Variants in CSNK1G1 observed in about 807,000 individuals in gnomAD.
CSNK1G1 encodes the protein casein kinase I isoform gamma-1.
Under a neutral mutation model 59.6 loss-of-function variants are expected in CSNK1G1, and 22 were observed. The ratio of observed to expected loss-of-function variants is 0.37; its 90% CI spans 0.26 to 0.53. The LOEUF is 0.53. Among genes scored for constraint, CSNK1G1 ranks in the 20% least tolerant of loss-of-function variants. CSNK1G1 has a pLI of 0.89. For synonymous variants in CSNK1G1, 179 were observed against 177.1 expected (o/e 1.01, Z -0.08); for missense variants, 384 against 519.5 (o/e 0.74, Z 2.54).
At chr15:64,186,131 G>C (rs745513839) in intron 10 of CSNK1G1, among the ~76,000 whole-genome samples, 1 of 146,496 alleles carries the variant, frequency 6.8e-6, no homozygotes, top group Non-Finnish European at 1.6e-5. Context: ...TTTTGAGATA[G>C]AGTCTTGTTG....
At chr15:64,264,765 C>G (rs1000121875) in intron 2 of CSNK1G1, among the ~76,000 whole-genome samples, 2 of 152,112 alleles carry the variant, frequency 1.3e-5, no homozygotes, top group African/African-American at 4.8e-5. Context: ...GAATGAAAGA[C>G]AAAAACCATA....
At chr15:64,209,802 T>C (rs188836593) in intron 6 of CSNK1G1, among the ~76,000 whole-genome samples, 15 of 152,298 alleles carry the variant, frequency 9.8e-5, no homozygotes, top group African/African-American at 3.4e-4. Flanking sequence ...TCATACTGTA[T>C]CACACCTACT....
intron 3 of CSNK1G1, 99 bp downstream of exon 3, chr15:64,259,102 T>C (rs1275385022): frequency 2.1e-6 from 2 of 966,120 alleles, no homozygotes; most frequent in African/African-American, 3.3e-5. Context: ...CCCAAACCAT[T>C]AGCAGTTTTG....
At chr15:64,180,273 C>T in intron 11 of CSNK1G1, 75 bp downstream of exon 11, 1 of 1,054,970 alleles carries the variant, frequency 9.5e-7, no homozygotes. Flanking sequence ...CTGAGACGAG[C>T]AGCACACAGA....
At chr15:64,191,818 C>T (rs918442969) in intron 10 of CSNK1G1, among the ~76,000 whole-genome samples, 1 of 152,176 alleles carries the variant, frequency 6.6e-6, no homozygotes, top group African/African-American at 2.4e-5. Context: ...AAACTAAGTA[C>T]AGATGTGAAC....
At chr15:64,225,964 C>T (rs2140282965) in intron 4 of CSNK1G1, among the ~76,000 whole-genome samples, 1 of 152,314 alleles carries the variant, frequency 6.6e-6, no homozygotes, top group African/African-American at 2.4e-5. Context: ...CCCCAAGGAA[C>T]ATTACAATCA....
intron 1 of CSNK1G1, among the ~76,000 whole-genome samples, chr15:64,354,653 G>A (rs1272620772): frequency 6.6e-6 from 1 of 151,758 alleles, no homozygotes; most frequent in Admixed American, 6.6e-5. Flanking sequence ...CTCAAACCTC[G>A]TTTCACAAAA....
intron 2 of CSNK1G1, among the ~76,000 whole-genome samples, chr15:64,272,307 C>G (rs970365200): frequency 2.2e-4 from 33 of 151,892 alleles, no homozygotes; most frequent in Non-Finnish European, 4.7e-4. Flanking sequence ...GCTCTGCCTC[C>G]TGGGTTCATG....
At chr15:64,330,509 A>G (rs1454215720) in intron 1 of CSNK1G1, among the ~76,000 whole-genome samples, 57 of 116,202 alleles carry the variant, frequency 4.9e-4, no homozygotes, top group Non-Finnish European at 8.9e-4. Context: ...TAAATTAGGT[A>G]TTGATGGGAC....
At chr15:64,240,294 T>TA (rs1049785352) in intron 4 of CSNK1G1, among the ~76,000 whole-genome samples, 45 of 152,060 alleles carry the variant, frequency 3.0e-4, no homozygotes, top group African/African-American at 9.4e-4. Flanking sequence ...TTACAAGACT[T>TA]ATGGGACACC....
chr15:64,236,453 C>T (rs928086425), intron 4 of CSNK1G1, among the ~76,000 whole-genome samples: 4 of 152,024 alleles, frequency 2.6e-5, no homozygotes, highest in Non-Finnish European at 4.4e-5. Context: ...CAAAACCCAC[C>T]GCAAATAATC....
intron 3 of CSNK1G1, among the ~76,000 whole-genome samples, chr15:64,255,356 T>G (rs1892319911): frequency 6.6e-6 from 1 of 152,164 alleles, no homozygotes; most frequent in Admixed American, 6.6e-5. Context: ...ATTACAGGCA[T>G]GAGCCACCAC....
Position 64,180,402 on chromosome 15 carries a change from T to C in CSNK1G1, c.1160A>G (p.His387Arg). ...ATGAGCTGTGATTGGTGCATTGGAG[T>C]GGGCTCCCGTGGGATCATCAACATT... ...ELNVDDPTGA[H>R]SNAPITAHAE... is the part of the protein sequence containing the mutation. Residue 387 changes from histidine (H) to arginine (R), a missense_variant, in exon 11 of 12, where the codon CAC becomes CGC. This residue lies in a region of CSNK1G1 where 325 missense variants were observed against 440.9 expected (regional missense o/e 0.74). Coordinates refer to ENST00000303052, the MANE Select transcript of CSNK1G1 (RefSeq NM_022048.5). 1 of 1,614,078 alleles carries C rather than the reference T, an allele frequency of 6.2e-7. No individual in the cohort carries two copies.
chr15:64,307,111 G>A (rs1301689999), intron 1 of CSNK1G1, among the ~76,000 whole-genome samples: 1 of 152,152 alleles, frequency 6.6e-6, no homozygotes, highest in Non-Finnish European at 1.5e-5. Flanking sequence ...AATACAAATA[G>A]TGTAATACAT....
chr15:64,277,830 A>ATAATATTGATATATTTAATATAT (rs1893801272), intron 2 of CSNK1G1, among the ~76,000 whole-genome samples: 9 of 132,928 alleles, frequency 6.8e-5, no homozygotes, highest in Non-Finnish European at 9.3e-5. Context: ...ATATTTAATA[A>ATAATATTGATATATTTAATATAT]TAATATTGAT....
At chr15:64,211,357 G>A (rs1436451343) in intron 6 of CSNK1G1, among the ~76,000 whole-genome samples, 2 of 152,118 alleles carry the variant, frequency 1.3e-5, no homozygotes, top group Admixed American at 6.5e-5. Flanking sequence ...ATCGTTTGAG[G>A]CATGGGAAAG....
intron 4 of CSNK1G1, 160 bp downstream of exon 4, chr15:64,251,352 G>C: frequency 1.8e-6 from 1 of 547,882 alleles, no homozygotes; most frequent in Non-Finnish European, 3.2e-6. Context: ...GAACCAGAGC[G>C]CAAGTAGCTT....
intron 2 of CSNK1G1, among the ~76,000 whole-genome samples, chr15:64,273,670 C>T (rs551979975): frequency 1.3e-5 from 2 of 150,104 alleles, no homozygotes; most frequent in African/African-American, 4.9e-5. Flanking sequence ...CTGGGCCACA[C>T]TGGAAGAATT....
Position 64,188,123 on chromosome 15 carries a change from G to A in CSNK1G1, c.1108-7669C>T, listed in dbSNP as rs974546524. ...TTATGGTTTATCATGAATGCATCAA[G>A]GTGGTAGGACTAGGTTAACCAGAAA... is the stretch of plus-strand genomic sequence containing the variant. On this transcript the variant is annotated intron_variant, in intron 10 of 11. Transcript: ENST00000303052. This position sits in a 1 kb window ranked among gnomAD's most constrained non-coding sequence, Gnocchi z 4.2. Among the ~76,000 whole-genome samples, 1 of 152,186 alleles carries A rather than the reference G, an allele frequency of 6.6e-6. No homozygotes were observed. Among genetic ancestry groups the A allele is most frequent in the Non-Finnish European group, 1.5e-5 (1 of 68,026 alleles).
Sources: gnomAD v4.1 joint callset for allele counts (sites outside exome capture counted in the v4.1 genomes callset) on GRCh38, gnomAD v4.1.1 for gene constraint, gnomAD v4.1.1 regional missense constraint, Gnocchi (gnomAD v3.1) non-coding constraint, MANE v1.5 for transcripts, NCBI Gene and HGNC (gene_info 2026-07-23, HGNC 2026-07-21) for gene names.